The following DPP10 variants were observed in gnomAD, a reference collection of about 807,000 sequenced individuals.
DPP10 encodes the protein dipeptidyl peptidase like 10, also known as inactive dipeptidyl peptidase 10.
DPP10 carries 33 observed loss-of-function variants against 120.9 expected under a neutral mutation model. That is an observed-to-expected ratio of 0.27 (90% CI 0.21 to 0.37). The LOEUF (loss-of-function observed/expected upper bound fraction) is 0.37. DPP10 is among the 10% of genes least tolerant of loss of function. The probability of loss-of-function intolerance (pLI) is 1.00; values close to 1 mark genes in which losing one functional copy is unlikely to be tolerated. For synonymous variants in DPP10, 337 were observed against 326.1 expected (o/e 1.03, Z -0.36); for missense variants, 816 against 942.8 (o/e 0.87, Z 1.76).
intron 3 of DPP10, among the ~76,000 whole-genome samples, chr2:115,377,051 C>A (rs1051591092): frequency 3.3e-5 from 5 of 151,392 alleles, no homozygotes; most frequent in African/African-American, 9.7e-5. Context: ...ATTTATAGTC[C>A]TTTGGGTATA....
chr2:115,311,742 TA>T (rs1559404189), intron 2 of DPP10, among the ~76,000 whole-genome samples: 1 of 152,184 alleles, frequency 6.6e-6, no homozygotes, highest in Non-Finnish European at 1.5e-5. Context: ...ATTAATCATA[TA>T]AATAGAAGTG....
chr2:115,509,144 C>T (rs779235883), intron 4 of DPP10, among the ~76,000 whole-genome samples: 39 of 151,974 alleles, frequency 2.6e-4, no homozygotes, highest in Non-Finnish European at 5.0e-4. Flanking sequence ...CAAATATATT[C>T]CCGTTGAAGT....
intron 3 of DPP10, among the ~76,000 whole-genome samples, chr2:115,357,361 G>T (rs183802190): frequency 6.6e-6 from 1 of 152,306 alleles, no homozygotes; most frequent in African/African-American, 2.4e-5. Context: ...GGGCCTACAG[G>T]CCCCATACAA....
intron 5 of DPP10, among the ~76,000 whole-genome samples, chr2:115,660,420 G>C (rs772788983): frequency 6.6e-5 from 10 of 152,128 alleles, no homozygotes; most frequent in African/African-American, 1.2e-4. Flanking sequence ...AAGTTACAAA[G>C]TTGTTTTGGC....
chr2:115,456,965 T>C (rs2073601497), intron 3 of DPP10, among the ~76,000 whole-genome samples: 1 of 102,640 alleles, frequency 9.7e-6, no homozygotes, highest in South Asian at 3.1e-4. Flanking sequence ...ACTTAAAGTA[T>C]AATAATAAAA....
intron 19 of DPP10, among the ~76,000 whole-genome samples, chr2:115,793,935 A>G (rs6747309): frequency 0.014 from 2,079 of 152,236 alleles, 49 homozygotes; most frequent in African/African-American, 0.045. Flanking sequence ...ACTATGCTTG[A>G]AAACATATAA....
intron 1 of DPP10, among the ~76,000 whole-genome samples, chr2:115,045,739 T>C (rs1408272798): frequency 6.6e-6 from 1 of 152,112 alleles, no homozygotes; most frequent in Non-Finnish European, 1.5e-5. Flanking sequence ...TAAAACCAGG[T>C]ATTGTAATCA....
At chr2:115,124,617 A>G (rs1185207682) in intron 1 of DPP10, among the ~76,000 whole-genome samples, 2 of 152,212 alleles carry the variant, frequency 1.3e-5, no homozygotes, top group Admixed American at 6.5e-5. Context: ...TCAAGACAAG[A>G]TCAAATCCCA....
chr2:115,382,671 G>A (rs1188593698), intron 3 of DPP10, among the ~76,000 whole-genome samples: 1 of 152,096 alleles, frequency 6.6e-6, no homozygotes, highest in Non-Finnish European at 1.5e-5. Flanking sequence ...TGAGGTAAAA[G>A]TAGGGACATT....
At chr2:115,433,454 C>G (rs555060874) in intron 3 of DPP10, among the ~76,000 whole-genome samples, 1 of 151,826 alleles carries the variant, frequency 6.6e-6, no homozygotes, top group Non-Finnish European at 1.5e-5. Context: ...AATACATGTA[C>G]ATGTGTGTGT....
At chr2:115,752,605 A>G (rs1678888162) in intron 10 of DPP10, among the ~76,000 whole-genome samples, 1 of 152,192 alleles carries the variant, frequency 6.6e-6, no homozygotes, top group Admixed American at 6.5e-5. Flanking sequence ...ACTGGCAAAG[A>G]CCAAAACAAA....
chr2:115,827,984 C>A (rs554324243), intron 21 of DPP10, among the ~76,000 whole-genome samples: 1 of 152,064 alleles, frequency 6.6e-6, no homozygotes, highest in Admixed American at 6.6e-5. Flanking sequence ...CAGTGTTCAT[C>A]ATTTCTTTGT....
intron 1 of DPP10, among the ~76,000 whole-genome samples, chr2:115,169,292 TAGTA>T (rs1372103798): frequency 3.9e-5 from 6 of 152,200 alleles, no homozygotes; most frequent in African/African-American, 7.2e-5. Context: ...GCTTGAAACC[TAGTA>T]AGTATTTTCA....
At chr2:114,856,929 C>T (rs920098628) in intron 1 of DPP10, among the ~76,000 whole-genome samples, 7 of 152,134 alleles carry the variant, frequency 4.6e-5, no homozygotes, top group South Asian at 2.1e-4. Flanking sequence ...CATGCCTGTC[C>T]ATTACAATAA....
chr2:115,088,824 T>C (rs1708994812), intron 1 of DPP10, among the ~76,000 whole-genome samples: 1 of 148,996 alleles, frequency 6.7e-6, no homozygotes, highest in African/African-American at 2.5e-5. Flanking sequence ...ATATAATGAA[T>C]TTATATTAAT....
chr2:114,490,783 T>C (rs1233808069), intron 1 of DPP10, among the ~76,000 whole-genome samples: 1 of 146,900 alleles, frequency 6.8e-6, no homozygotes, highest in Non-Finnish European at 1.5e-5. Context: ...ATGATGTATA[T>C]ATGGGGGCGG....
chr2:114,863,517 C>G (rs1689989274), intron 1 of DPP10, among the ~76,000 whole-genome samples: 1 of 152,080 alleles, frequency 6.6e-6, no homozygotes, highest in African/African-American at 2.4e-5. Flanking sequence ...CTTCCATTCT[C>G]CACTACCAGA....
chr2:115,781,505 A>G (rs575071235), intron 16 of DPP10, among the ~76,000 whole-genome samples: 124 of 152,060 alleles, frequency 8.2e-4, no homozygotes, highest in African/African-American at 3.0e-3. Context: ...TTACATGTTT[A>G]TACAGTATCT....
In DPP10 at chr2:115,006,011, T is replaced by C. The variant is rs889945099; in HGVS notation, c.61-303228T>C. Among the ~76,000 whole-genome samples, 37 of 152,144 alleles carry C rather than the reference T, an allele frequency of 2.4e-4. 1 individual carries two copies. The highest frequency in any genetic ancestry group is 6.3e-4 in the African/African-American group (26 of 41,466). On this transcript the variant is annotated intron_variant, in intron 1 of 25. Transcript: ENST00000410059. Reference sequence around the variant, plus strand: ...AAAGGGAAGCCCATCAGACTAACAGTGGATCTCTTGGCAGAAACCCTACAA... The same window carrying C: ...AAAGGGAAGCCCATCAGACTAACAGCGGATCTCTTGGCAGAAACCCTACAA...
Sources: gnomAD v4.1 joint callset for allele counts (sites outside exome capture counted in the v4.1 genomes callset) on GRCh38, gnomAD v4.1.1 for gene constraint, MANE v1.5 for transcripts, NCBI Gene and HGNC (gene_info 2026-07-23, HGNC 2026-07-21) for gene names.